C1orf167: variants seen among roughly 807,000 people sequenced by gnomAD.
C1orf167 encodes uncharacterized protein C1orf167.
In C1orf167, 153 loss-of-function variants were observed where a neutral mutation model predicts 176.5. The observed-to-expected ratio is 0.87, with a 90% confidence interval of 0.76 to 0.99. C1orf167 has a LOEUF of 0.99. Ranked by LOEUF, C1orf167 falls within the 50% of genes least tolerant of loss-of-function variation. C1orf167 has a pLI of 0.00. For missense variants in C1orf167, 1,490 were observed against 1,817.7 expected (o/e 0.82, Z 3.28); for synonymous variants, 594 against 752.7 (o/e 0.79, Z 3.45).
Position 11,788,686 on chromosome 1 carries a change from CGTG to C in C1orf167, c.4118_4120del (p.Val1373del). 1 of 1,304,294 alleles carries C rather than the reference CGTG, an allele frequency of 7.7e-7. No homozygotes were observed. The highest frequency in any genetic ancestry group is 1.0e-6 in the Non-Finnish European group (1 of 988,956). 80.8% of individuals were successfully genotyped at this position (1,304,294 alleles called of 1,614,324 possible). A position where few individuals can be genotyped will look rare whatever the true frequency, so the allele number is the denominator to read the frequency against. On this transcript the variant is annotated inframe_deletion, in exon 20 of 21. Coordinates refer to ENST00000688073, the MANE Select transcript of C1orf167 (RefSeq NM_001010881.2). ...TGGCACCTGAGATGGGCCTGGCAGA[CGTG>C]GTGGCAGCGGATCCTGCGACTGCGA...
chr1:11,780,717 A>C (rs528348369), intron 13 of C1orf167, among the ~76,000 whole-genome samples: 2 of 152,276 alleles, frequency 1.3e-5, no homozygotes, highest in East Asian at 3.9e-4. Context: ...GGGCAGAGTC[A>C]TGGTGCCCTT....
chr1:11,782,297 GCA>G lies in C1orf167; in HGVS notation c.2972_2973del (p.Thr991SerfsTer18). 1 of 1,296,008 alleles carries G rather than the reference GCA, an allele frequency of 7.7e-7. No homozygotes were observed. The highest frequency in any genetic ancestry group is 1.0e-6 in the Non-Finnish European group (1 of 985,986). The allele number at this position is 1,296,008 out of a possible 1,614,324, so 80.3% of individuals were successfully genotyped here. A position where few individuals can be genotyped will look rare whatever the true frequency, so the allele number is the denominator to read the frequency against. On this transcript the variant is annotated frameshift_variant, in exon 14 of 21. Transcript: ENST00000688073. LOFTEE classifies it high-confidence loss of function. ...CAGCAGGCAGCAGCTCATCAGAGAT[GCA>G]CAGTGACCCGGCCAGAGCAGCTGCT...
intron 16 of C1orf167, 135 bp downstream of exon 16, chr1:11,785,424 C>G: frequency 1.0e-6 from 1 of 986,774 alleles, no homozygotes; most frequent in Non-Finnish European, 1.3e-6. Flanking sequence ...AAAAATGACC[C>G]TCGGACCACC....
At chr1:11,773,211 C>T (rs572035501) in intron 8 of C1orf167, among the ~76,000 whole-genome samples, 3 of 151,806 alleles carry the variant, frequency 2.0e-5, no homozygotes, top group African/African-American at 4.8e-5. Flanking sequence ...ATTTTTCTTA[C>T]TCAAAAGTAG....
chr1:11,769,024 G>A lies in C1orf167; in HGVS notation c.1594G>A (p.Gly532Arg). 2.0e-6 allele frequency: 2 copies of A among 985,886 alleles called. No homozygotes were observed. Among genetic ancestry groups the A allele is most frequent in the Non-Finnish European group, 2.4e-6 (2 of 829,966 alleles). The allele number at this position is 985,886 out of a possible 1,614,324, so 61.1% of individuals were successfully genotyped here. ...ACAAGTACAGCCCCACATGCAGGCT[G>A]GGCCAGGGTCCCCGCCCTCCAGGAG... ...QKQVQPHMQA[G>R]PGSPPSRRAQ... Residue 532 changes from glycine to arginine, a missense_variant, in exon 6 of 21, where the codon GGG becomes AGG. Gly to Arg is a moderately radical substitution (Grantham distance 125). Coordinates refer to ENST00000688073, the MANE Select transcript of C1orf167 (RefSeq NM_001010881.2).
At position 11,768,384 on chromosome 1, in the gene C1orf167, G is replaced by T. The variant is rs1642904616; in HGVS notation, c.1542+109G>T. The T allele has an allele frequency of 1.0e-6, 1 of 976,152 alleles. No individual in the cohort carries two copies. Among genetic ancestry groups the T allele is most frequent in the Non-Finnish European group, 1.4e-6 (1 of 729,856 alleles). The allele number at this position is 976,152 out of a possible 1,614,324, so 60.5% of individuals were successfully genotyped here. ...CCACTGGGCATAGGTGGCACCTCAT[G>T]AATGATCAGCAGTAAAGGGTGTAGT... On this transcript the variant is annotated intron_variant, in intron 5 of 20. Coordinates refer to ENST00000688073, the MANE Select transcript of C1orf167 (RefSeq NM_001010881.2). The surrounding 1 kb of genome is among the most constrained non-coding windows in gnomAD (Gnocchi z 4.5).
chr1:11,766,882 G>A lies in C1orf167; in HGVS notation c.1096G>A (p.Ala366Thr). The change falls in exon 3 of 21, where the codon GCA (alanine) becomes ACA (threonine). Residue 366 changes from alanine to threonine, a missense_variant. Transcript: ENST00000688073. The surrounding 1 kb of genome is among the most constrained non-coding windows in gnomAD (Gnocchi z 4.5). ...SCSPWSQDGR[A>T]QRGDPSLPRG... ...CTCCCCCTGGTCTCAAGATGGCAGG[G>A]CACAGAGGGGTGACCCCAGTCTCCC... 14 of 1,261,956 alleles carry A rather than the reference G, an allele frequency of 1.1e-5. No homozygotes were observed. Among genetic ancestry groups the A allele is most frequent in the Non-Finnish European group, 1.4e-5 (14 of 973,552 alleles). 78.2% of individuals were successfully genotyped at this position (1,261,956 alleles called of 1,614,324 possible).
rs1320789532 is a variant in C1orf167 at position 11,785,210 on chromosome 1, A to G, written c.3488A>G (p.Gln1163Arg). The G allele has an allele frequency of 7.7e-7, 1 of 1,291,606 alleles. No individual in the cohort carries two copies. The highest frequency in any genetic ancestry group is 1.0e-6 in the Non-Finnish European group (1 of 988,812). 80.0% of individuals were successfully genotyped at this position (1,291,606 alleles called of 1,614,324 possible). A position where few individuals can be genotyped will look rare whatever the true frequency, so the allele number is the denominator to read the frequency against. The change falls in exon 16 of 21, where the codon CAG becomes CGG. Residue 1163 changes from glutamine to arginine, a missense_variant. Coordinates refer to ENST00000688073, the MANE Select transcript of C1orf167 (RefSeq NM_001010881.2). ...GGTGTCCAGCGAGCCATCCTCACCC[A>G]GCTCCGGCCGGCTGAGCTCAGGCGC... ...RGGVQRAILT[Q>R]LRPAELRRFL...
chr1:11,767,144 G>A, intron 3 of C1orf167, 59 bp downstream of exon 3: 1 of 1,282,440 alleles, frequency 7.8e-7, no homozygotes, highest in South Asian at 1.2e-5. Context: ...CTCCAGGGCA[G>A]GGAGGCTTGG....
At chr1:11,775,351 A>G in intron 8 of C1orf167, 84 bp from the exon 9 acceptor site, 3 of 1,053,288 alleles carry the variant, frequency 2.8e-6, no homozygotes, top group Middle Eastern at 2.7e-4. Flanking sequence ...AGGCCTGGGT[A>G]GTGTGTCTGG....
In C1orf167 at chr1:11,766,081, T is replaced by A; in HGVS notation, c.295T>A (p.Trp99Arg). Residue 99 changes from tryptophan (W) to arginine (R), a missense_variant, in exon 3 of 21, where the codon TGG becomes AGG. Coordinates refer to ENST00000688073, the MANE Select transcript of C1orf167 (RefSeq NM_001010881.2). The surrounding 1 kb of genome is among the most constrained non-coding windows in gnomAD (Gnocchi z 4.5). ...TGGCCAACTGGTCAATTCAAGCTTC[T>A]GGCAACAGAGCAACCTGCAGTCCCT... Reference protein sequence around the residue: ...TTGQLVNSSFWQQSNLQSLAR... With the variant: ...TTGQLVNSSFRQQSNLQSLAR... The A allele has an allele frequency of 7.8e-7, 1 of 1,289,868 alleles. No individual in the cohort carries two copies. The highest frequency in any genetic ancestry group is 1.2e-5 in the South Asian group (1 of 81,034). 79.9% of individuals were successfully genotyped at this position (1,289,868 alleles called of 1,614,324 possible). A position where few individuals can be genotyped will look rare whatever the true frequency, so the allele number is the denominator to read the frequency against.
In C1orf167 at chr1:11,766,486, C is replaced by G; in HGVS notation, c.700C>G (p.Arg234Gly). Reference sequence around the variant, plus strand: ...TCAGAACCAGACTCAGGCCCCATCCCGTGCTGCCGTCCACCAGCTGCTGGC... The same window carrying G: ...TCAGAACCAGACTCAGGCCCCATCCGGTGCTGCCGTCCACCAGCTGCTGGC... ...PSQNQTQAPS[R>G]AAVHQLLASV... Residue 234 changes from arginine (R) to glycine (G), a missense_variant, in exon 3 of 21, where the codon CGT becomes GGT. Transcript: ENST00000688073. The surrounding 1 kb of genome is among the most constrained non-coding windows in gnomAD (Gnocchi z 4.5). 7.8e-7 allele frequency: 1 copy of G among 1,284,286 alleles called. No homozygotes were observed. Among genetic ancestry groups the G allele is most frequent in the African/African-American group, 1.5e-5 (1 of 65,750 alleles). 79.6% of individuals were successfully genotyped at this position (1,284,286 alleles called of 1,614,324 possible).
At chr1:11,772,357 C>T in intron 8 of C1orf167, 98 bp downstream of exon 8, 1 of 1,066,010 alleles carries the variant, frequency 9.4e-7, no homozygotes, top group Non-Finnish European at 1.2e-6. Flanking sequence ...CTCCACCTCC[C>T]TGGCTCAAGC....
chr1:11,778,734 C>T lies in C1orf167; in HGVS notation c.2414C>T (p.Pro805Leu), dbSNP rs1318013355. 7.7e-7 allele frequency: 1 copy of T among 1,304,082 alleles called. No homozygotes were observed. Among genetic ancestry groups the T allele is most frequent in the Admixed American group, 2.3e-5 (1 of 43,566 alleles). The allele number at this position is 1,304,082 out of a possible 1,614,324, so 80.8% of individuals were successfully genotyped here. A position where few individuals can be genotyped will look rare whatever the true frequency, so the allele number is the denominator to read the frequency against. The change falls in exon 11 of 21, where the codon CCA becomes CTA. Residue 805 changes from proline (P) to leucine (L), a missense_variant. By Grantham distance (98) the Pro-to-Leu change is moderately conservative. Coordinates refer to ENST00000688073, the MANE Select transcript of C1orf167 (RefSeq NM_001010881.2). The part of the protein sequence containing the change: ...LRWWHLRALG[P>L]DATSSCTKTP... ...TGGTGGCACTTGAGGGCACTGGGCC[C>T]AGATGCCACATCAAGCTGCACCAAG...
chr1:11,787,091 C>T, intron 16 of C1orf167: 1 of 178,184 alleles, frequency 5.6e-6, no homozygotes, highest in East Asian at 1.6e-4. Context: ...TAGCCGGGGG[C>T]TCAGACTCTG....
At chr1:11,786,736 C>T (rs372228149) in intron 16 of C1orf167, 7 of 152,170 alleles carry the variant, frequency 4.6e-5, no homozygotes, top group African/African-American at 1.7e-4. Context: ...CATGAGCCAC[C>T]ACACCTGCTG....
At position 11,768,200 on chromosome 1, in the gene C1orf167, G is replaced by T. The variant is rs758568808; in HGVS notation, c.1467G>T (p.Leu489Phe). Residue 489 changes from leucine (L) to phenylalanine (F), a missense_variant, in exon 5 of 21, where the codon TTG becomes TTT. By Grantham distance (22) the Leu-to-Phe change is conservative. Coordinates refer to ENST00000688073, the MANE Select transcript of C1orf167 (RefSeq NM_001010881.2). The surrounding 1 kb of genome is among the most constrained non-coding windows in gnomAD (Gnocchi z 4.5). ...TGTTGCGAAAGTGCCTTCAGGCCTT[G>T]TGGCTCCGGGAGGCTCAGCTGGAGG... ...WQLLRKCLQA[L>F]WLREAQLEAA... 2.0e-5 allele frequency: 26 copies of T among 1,289,652 alleles called. No individual in the cohort carries two copies. In the South Asian group the frequency reaches 3.0e-4, roughly 15 times the overall value. 79.9% of individuals were successfully genotyped at this position (1,289,652 alleles called of 1,614,324 possible).
chr1:11,772,474 C>G lies in C1orf167; in HGVS notation c.1988+215C>G, dbSNP rs147558228. ...TAGAGACAGGGTTCCACCATGTTGCCCAGGCTGGTCTCGAACTCCTGAACT... is the reference window on the plus strand; with the variant it reads ...TAGAGACAGGGTTCCACCATGTTGCGCAGGCTGGTCTCGAACTCCTGAACT... On this transcript the variant is annotated intron_variant, in intron 8 of 20. Coordinates refer to ENST00000688073, the MANE Select transcript of C1orf167 (RefSeq NM_001010881.2). Among the ~76,000 whole-genome samples, 321 of 152,274 alleles carry G rather than the reference C, an allele frequency of 2.1e-3. 4 individuals carry two copies. Among genetic ancestry groups the G allele is most frequent in the African/African-American group, 7.5e-3 (312 of 41,550 alleles).
rs772832300 is a variant in C1orf167 at position 11,766,777 on chromosome 1, T to G, written c.991T>G (p.Leu331Val). 10 of 1,289,652 alleles carry G rather than the reference T, an allele frequency of 7.8e-6. No homozygotes were observed. The highest frequency in any genetic ancestry group is 4.3e-4 in the Middle Eastern group (2 of 4,696). The allele number at this position is 1,289,652 out of a possible 1,614,324, so 79.9% of individuals were successfully genotyped here. A position where few individuals can be genotyped will look rare whatever the true frequency, so the allele number is the denominator to read the frequency against. The change falls in exon 3 of 21, where the codon TTG (leucine) becomes GTG (valine). Residue 331 changes from leucine (L) to valine (V), a missense_variant. Leu to Val is a conservative substitution (Grantham distance 32, BLOSUM62 1). Coordinates refer to ENST00000688073, the MANE Select transcript of C1orf167 (RefSeq NM_001010881.2). This position sits in a 1 kb window ranked among gnomAD's most constrained non-coding sequence, Gnocchi z 4.5. ...CAAGCTAATGTCACCTGAGACCACT[T>G]TGGGGACACGGACCAAGGATTCCCT... ...QSKLMSPETT[L>V]GTRTKDSLNP...
Sources: allele counts gnomAD v4.1 joint callset (sites outside exome capture counted in the v4.1 genomes callset), GRCh38; gene constraint gnomAD v4.1.1; non-coding constraint Gnocchi (gnomAD v3.1); transcripts MANE v1.5; gene names NCBI Gene and HGNC (gene_info 2026-07-23, HGNC 2026-07-21).